Variants in SGCZ observed in about 807,000 individuals in gnomAD.
SGCZ encodes the protein zeta-sarcoglycan.
In SGCZ, 40 loss-of-function variants were observed where a neutral mutation model predicts 41.3. That is an observed-to-expected ratio of 0.97 (90% CI 0.75 to 1.26). The LOEUF (loss-of-function observed/expected upper bound fraction) is 1.26, where lower values mean the gene tolerates loss of function less well. Ranked by LOEUF, SGCZ falls within the 50% of genes most tolerant of loss-of-function variation. SGCZ has a pLI of 0.00. For missense variants in SGCZ, 552 were observed against 369.8 expected (o/e 1.49, Z -4.04); for synonymous variants, 206 against 137.5 (o/e 1.50, Z -3.49).
At chr8:15,218,385 GC>G (rs1801486660) in intron 1 of SGCZ, among the ~76,000 whole-genome samples, 1 of 152,182 alleles carries the variant, frequency 6.6e-6, no homozygotes, top group African/African-American at 2.4e-5. Flanking sequence ...AGGTTTTAAT[GC>G]ATGCAGAACA....
chr8:14,597,280 T>C (rs534924406), intron 1 of SGCZ, among the ~76,000 whole-genome samples: 17 of 152,324 alleles, frequency 1.1e-4, no homozygotes, highest in African/African-American at 3.4e-4. Context: ...TGTGGCACTA[T>C]GTGAAGTCCT....
intron 1 of SGCZ, among the ~76,000 whole-genome samples, chr8:14,729,486 G>T (rs1195826546): frequency 6.6e-6 from 1 of 152,086 alleles, no homozygotes. Context: ...AACACGACTG[G>T]TGTCTTTAAA....
intron 2 of SGCZ, among the ~76,000 whole-genome samples, chr8:14,509,008 G>T (rs183540916): frequency 1.3e-5 from 2 of 152,042 alleles, no homozygotes; most frequent in African/African-American, 4.8e-5. Context: ...AGGTTTTTTA[G>T]TGTTAATATC....
intron 1 of SGCZ, among the ~76,000 whole-genome samples, chr8:14,797,651 C>T (rs1801179063): frequency 6.6e-6 from 1 of 152,208 alleles, no homozygotes; most frequent in South Asian, 2.1e-4. Context: ...GAATGTTATT[C>T]ACCAAGACAA....
intron 2 of SGCZ, among the ~76,000 whole-genome samples, chr8:14,379,364 G>C (rs573060549): frequency 3.3e-5 from 5 of 152,186 alleles, no homozygotes; most frequent in Middle Eastern, 3.4e-3. Context: ...TAATGATAGA[G>C]AAAACCCCAT....
intron 1 of SGCZ, among the ~76,000 whole-genome samples, chr8:15,124,763 A>T (rs1489634375): frequency 1.3e-5 from 2 of 152,332 alleles, no homozygotes; most frequent in East Asian, 3.9e-4. Context: ...GGAACATAAG[A>T]TCAAACAACG....
intron 1 of SGCZ, among the ~76,000 whole-genome samples, chr8:14,722,678 A>T (rs538044215): frequency 2.0e-5 from 3 of 152,264 alleles, no homozygotes; most frequent in South Asian, 2.1e-4. Flanking sequence ...ACTAGGGAAG[A>T]CTACTGAGAT....
At chr8:14,638,890 T>C (rs1806923604) in intron 1 of SGCZ, among the ~76,000 whole-genome samples, 1 of 151,800 alleles carries the variant, frequency 6.6e-6, no homozygotes, top group Non-Finnish European at 1.5e-5. Context: ...GTGGCATTCA[T>C]CAAATGCTGG....
intron 1 of SGCZ, among the ~76,000 whole-genome samples, chr8:15,090,399 G>A (rs979348973): frequency 3.3e-5 from 5 of 152,162 alleles, no homozygotes; most frequent in African/African-American, 1.2e-4. Flanking sequence ...TCAGCTTCAT[G>A]CTGATATCTG....
chr8:14,560,833 C>T (rs1804185888), intron 1 of SGCZ, among the ~76,000 whole-genome samples: 1 of 151,004 alleles, frequency 6.6e-6, no homozygotes, highest in African/African-American at 2.4e-5. Context: ...AATGAGATAA[C>T]AAGAGGCTAA....
intron 2 of SGCZ, among the ~76,000 whole-genome samples, chr8:14,396,032 G>A (rs530336469): frequency 6.6e-5 from 10 of 152,190 alleles, no homozygotes; most frequent in African/African-American, 1.2e-4. Flanking sequence ...GAGAGGGTAC[G>A]TACAAAAGAA....
intron 1 of SGCZ, among the ~76,000 whole-genome samples, chr8:14,944,782 C>T (rs866717078): frequency 6.6e-5 from 10 of 152,242 alleles, no homozygotes; most frequent in African/African-American, 2.2e-4. Flanking sequence ...TTTATTGAGA[C>T]TTGACCCCAT....
chr8:14,900,093 C>A (rs963385511), intron 1 of SGCZ, among the ~76,000 whole-genome samples: 5 of 152,046 alleles, frequency 3.3e-5, no homozygotes, highest in Admixed American at 2.0e-4. Context: ...CTCCCAAGCC[C>A]CTACGGTAAT....
chr8:14,514,092 T>C (rs528602187), intron 2 of SGCZ, among the ~76,000 whole-genome samples: 6 of 152,088 alleles, frequency 3.9e-5, no homozygotes, highest in Admixed American at 3.9e-4. Flanking sequence ...GTTAGTCCTT[T>C]GAGAAGATTT....
intron 1 of SGCZ, among the ~76,000 whole-genome samples, chr8:14,820,844 G>T (rs1171779305): frequency 6.6e-6 from 1 of 150,468 alleles, no homozygotes; most frequent in Non-Finnish European, 1.5e-5. Context: ...TTCCTAAGAG[G>T]GAGGTTAGCA....
chr8:15,034,760 T>G (rs9650383), intron 1 of SGCZ, among the ~76,000 whole-genome samples: 14,359 of 150,760 alleles, frequency 0.095, 882 homozygotes, highest in Middle Eastern at 0.18. Context: ...ATGCAAGCAC[T>G]GAACTTTCCA....
intron 1 of SGCZ, among the ~76,000 whole-genome samples, chr8:14,596,628 A>G (rs904699643): frequency 6.6e-6 from 1 of 152,124 alleles, no homozygotes; most frequent in Non-Finnish European, 1.5e-5. Context: ...CTGAATGATT[A>G]GTTTAGAATA....
chr8:14,635,744 CTG>C (rs1232692023), intron 1 of SGCZ, among the ~76,000 whole-genome samples: 1 of 151,826 alleles, frequency 6.6e-6, no homozygotes, highest in Admixed American at 6.6e-5. Flanking sequence ...TCAGTACTAT[CTG>C]TGGTTTCAGG....
intron 1 of SGCZ, among the ~76,000 whole-genome samples, chr8:15,164,207 A>G (rs80183683): frequency 0.014 from 2,199 of 152,318 alleles, 62 homozygotes; most frequent in African/African-American, 0.049. Context: ...TTGGTGCCCA[A>G]TGTGGGGGCT....
Sources: gnomAD v4.1 joint callset for allele counts (sites outside exome capture counted in the v4.1 genomes callset) on GRCh38, gnomAD v4.1.1 for gene constraint, MANE v1.5 for transcripts, NCBI Gene and HGNC (gene_info 2026-07-23, HGNC 2026-07-21) for gene names.